Variants in PTPRZ1 observed in about 807,000 individuals in gnomAD.
PTPRZ1 encodes protein tyrosine phosphatase receptor type Z1.
A neutral mutation model predicts 214.1 loss-of-function variants in PTPRZ1; 82 were observed. The observed-to-expected ratio is 0.38, with a 90% CI of 0.32 to 0.46. The LOEUF (loss-of-function observed/expected upper bound fraction) is 0.46. Among genes scored for constraint, PTPRZ1 ranks in the 20% least tolerant of loss-of-function variants. The pLI, the probability that PTPRZ1 is intolerant of heterozygous loss-of-function variation, is 1.00. For synonymous variants in PTPRZ1, 945 were observed against 987.9 expected (o/e 0.96, Z 0.81); for missense variants, 2,603 against 2,748.7 (o/e 0.95, Z 1.19).
At chr7:122,026,513 G>T (rs1283434430) in intron 13 of PTPRZ1, among the ~76,000 whole-genome samples, 1 of 152,126 alleles carries the variant, frequency 6.6e-6, no homozygotes, top group Admixed American at 6.6e-5. Context: ...CCACAATCTG[G>T]TTTCATTTCT....
At position 122,028,597 on chromosome 7, in the gene PTPRZ1, C is replaced by T; in HGVS notation, c.5034C>T (p.Ser1678=). Residue 1678 remains serine (S), a synonymous_variant, in exon 14 of 30, where the codon TCC becomes TCT. Coordinates refer to ENST00000393386, the MANE Select transcript of PTPRZ1 (RefSeq NM_002851.3). ...ACTTTTACTTAGAGGACAGTACATCCCCTAGAGTTATATCCACACCTCCAA... is the reference window on the plus strand; with the variant it reads ...ACTTTTACTTAGAGGACAGTACATCTCCTAGAGTTATATCCACACCTCCAA... ...TAHFYLEDST[S]PRVISTPPTP... 1 of 1,550,418 alleles carries T rather than the reference C, an allele frequency of 6.4e-7. No individual in the cohort carries two copies. The highest frequency in any genetic ancestry group is 8.9e-7 in the Non-Finnish European group (1 of 1,122,470).
intron 2 of PTPRZ1, among the ~76,000 whole-genome samples, chr7:121,942,330 T>C (rs1183720518): frequency 6.6e-6 from 1 of 152,214 alleles, no homozygotes; most frequent in Admixed American, 6.5e-5. Flanking sequence ...AAAGAGTTCA[T>C]TCTCTTTTGA....
chr7:122,020,447 G>A (rs1798982015), intron 13 of PTPRZ1, among the ~76,000 whole-genome samples: 1 of 152,136 alleles, frequency 6.6e-6, no homozygotes, highest in Non-Finnish European at 1.5e-5. Context: ...CTAAAATGTA[G>A]GACTCAAGCT....
Position 122,013,039 on chromosome 7 carries a change from A to C in PTPRZ1, c.3993A>C (p.Ile1331=), listed in dbSNP as rs1798727444. 4 of 1,613,898 alleles carry C rather than the reference A, an allele frequency of 2.5e-6. No individual in the cohort carries two copies. The highest frequency in any genetic ancestry group is 3.4e-6 in the Non-Finnish European group (4 of 1,179,732). Residue 1331 remains isoleucine (I), a synonymous_variant, in exon 12 of 30, where the codon ATA becomes ATC. Transcript: ENST00000393386. The part of the protein sequence containing the change: ...EPLNTLINKL[I]HSDEILTSTK... The stretch of plus-strand genomic sequence containing the variant: ...TAAATACACTAATAAATAAGCTTAT[A>C]CATTCCGATGAAATTTTAACCTCCA...
chr7:121,873,963 C>T (rs1052748377), intron 1 of PTPRZ1, among the ~76,000 whole-genome samples: 1 of 151,880 alleles, frequency 6.6e-6, no homozygotes, highest in Non-Finnish European at 1.5e-5. Context: ...ACTGTACTGT[C>T]TTTTTTGCTG....
At chr7:121,919,415 A>AT (rs1274274298) in intron 1 of PTPRZ1, among the ~76,000 whole-genome samples, 6 of 152,020 alleles carry the variant, frequency 3.9e-5, no homozygotes, top group Non-Finnish European at 8.8e-5. Flanking sequence ...TGTTTAATGT[A>AT]TTTTAACATT....
chr7:121,948,711 G>A, intron 2 of PTPRZ1, among the ~76,000 whole-genome samples: 1 of 150,940 alleles, frequency 6.6e-6, no homozygotes, highest in East Asian at 2.0e-4. Context: ...CCATTATTTT[G>A]TTATTTAAAC....
chr7:121,925,501 A>G (rs1430368899), intron 1 of PTPRZ1, among the ~76,000 whole-genome samples: 1 of 152,254 alleles, frequency 6.6e-6, no homozygotes, highest in African/African-American at 2.4e-5. Context: ...AAAATATGGT[A>G]TATTCAATTG....
rs576623324 is a variant in PTPRZ1 at position 121,990,622 on chromosome 7, C to T, written c.929-5760C>T. Among the ~76,000 whole-genome samples, 44 of 146,108 alleles carry T rather than the reference C, an allele frequency of 3.0e-4. No homozygotes were observed. In the East Asian group the frequency reaches 3.1e-3, roughly 10 times the overall value. ...GCAGCCTCTACCTCCTGGGTTCAAG[C>T]GATTCTCCTGCGTCAGCCTCCCTAG... On this transcript the variant is annotated intron_variant, in intron 8 of 29. Coordinates refer to ENST00000393386, the MANE Select transcript of PTPRZ1 (RefSeq NM_002851.3).
intron 8 of PTPRZ1, 103 bp downstream of exon 8, chr7:121,984,220 G>T: frequency 9.9e-7 from 1 of 1,012,922 alleles, no homozygotes; most frequent in Non-Finnish European, 1.4e-6. Flanking sequence ...CTTTAGAAAT[G>T]TTTTAATTAT....
intron 13 of PTPRZ1, 23 bp from the exon 14 acceptor site, chr7:122,028,529 A>G (rs575303774): frequency 6.7e-7 from 1 of 1,494,648 alleles, no homozygotes; most frequent in East Asian, 2.3e-5. Context: ...CTAGTAGTAT[A>G]AATTGTGTTC....
At chr7:122,042,485 T>G in intron 21 of PTPRZ1, 123 bp from the exon 22 acceptor site, 1 of 933,366 alleles carries the variant, frequency 1.1e-6, no homozygotes, top group Non-Finnish European at 1.5e-6. Context: ...CCAAATGTAT[T>G]GTGTGGCTCA....
At chr7:122,051,779 G>A (rs1220096184) in intron 24 of PTPRZ1, 87 bp from the exon 25 acceptor site, 1 of 1,223,914 alleles carries the variant, frequency 8.2e-7, no homozygotes, top group Non-Finnish European at 1.2e-6. Flanking sequence ...ATCTGGCATG[G>A]GGAAAAGATG....
intron 10 of PTPRZ1, among the ~76,000 whole-genome samples, chr7:121,998,828 A>G (rs985636059): frequency 1.6e-4 from 25 of 152,154 alleles, no homozygotes; most frequent in African/African-American, 6.0e-4. Context: ...TTGGTCATCC[A>G]TATTAGGAGC....
Position 122,000,646 on chromosome 7 carries a change from C to CATATATAT in PTPRZ1, c.1240+2689_1240+2696dup, listed in dbSNP as rs60953788. On this transcript the variant is annotated intron_variant, in intron 10 of 29. Coordinates refer to ENST00000393386, the MANE Select transcript of PTPRZ1 (RefSeq NM_002851.3). Reference sequence around the variant, plus strand: ...ATTGCTGTCATTCTTTGATAGATTTCATATATATATATATATATATATATA... The same window carrying CATATATAT: ...ATTGCTGTCATTCTTTGATAGATTTCATATATATATATATATATATATATATATATATA... Among the ~76,000 whole-genome samples, 90 of 51,666 alleles carry CATATATAT rather than the reference C, an allele frequency of 1.7e-3. 1 individual carries two copies. The highest frequency in any genetic ancestry group is 2.4e-3 in the Admixed American group (9 of 3,706). The allele number at this position is 51,666 out of a possible 152,430, so 33.9% of individuals were successfully genotyped here. A position where few individuals can be genotyped will look rare whatever the true frequency, so the allele number is the denominator to read the frequency against.
At position 122,039,431 on chromosome 7, in the gene PTPRZ1, A is replaced by G. The variant is rs1414531692; in HGVS notation, c.5503-23A>G. 3.1e-6 allele frequency: 5 copies of G among 1,607,160 alleles called. No individual in the cohort carries two copies. In the South Asian group the frequency reaches 4.5e-5, roughly 14 times the overall value. On this transcript the variant is annotated intron_variant, in intron 19 of 29. Transcript: ENST00000393386. ...CATGGAGCATTTGAAATACAGAAGTAACATCTACATTTTCTTTTGCAGAGA... is the reference window on the plus strand; with the variant it reads ...CATGGAGCATTTGAAATACAGAAGTGACATCTACATTTTCTTTTGCAGAGA...
At chr7:122,055,464 C>G (rs1792318854) in intron 27 of PTPRZ1, among the ~76,000 whole-genome samples, 1 of 149,820 alleles carries the variant, frequency 6.7e-6, no homozygotes, top group South Asian at 2.1e-4. Context: ...CCTACCTAAA[C>G]TCTCCTAAGT....
intron 23 of PTPRZ1, among the ~76,000 whole-genome samples, chr7:122,048,244 TTAAA>T (rs1792060185): frequency 6.6e-6 from 1 of 152,016 alleles, no homozygotes; most frequent in Non-Finnish European, 1.5e-5. Flanking sequence ...ATTAAAATGA[TTAAA>T]TAAAGATTTA....
intron 8 of PTPRZ1, among the ~76,000 whole-genome samples, chr7:121,984,693 T>A (rs1385402377): frequency 2.6e-5 from 4 of 152,136 alleles, no homozygotes; most frequent in African/African-American, 9.7e-5. Context: ...TGAATCTTCT[T>A]CCCAGTTTCC....
Sources: gnomAD v4.1 joint callset for allele counts (sites outside exome capture counted in the v4.1 genomes callset) on GRCh38, gnomAD v4.1.1 for gene constraint, MANE v1.5 for transcripts, NCBI Gene and HGNC (gene_info 2026-07-23, HGNC 2026-07-21) for gene names.